CDKAL1: variants seen among roughly 807,000 people sequenced by gnomAD.
The protein encoded by CDKAL1 is threonylcarbamoyladenosine tRNA methylthiotransferase.
CDKAL1 carries 32 observed loss-of-function variants against 68.2 expected under a neutral mutation model. The ratio of observed to expected loss-of-function variants is 0.47; its 90% CI spans 0.35 to 0.63. The LOEUF (loss-of-function observed/expected upper bound fraction) is 0.63, where lower values mean the gene tolerates loss of function less well. Among genes scored for constraint, CDKAL1 ranks in the 30% least tolerant of loss-of-function variants. The pLI is 0.00. For missense variants in CDKAL1, 606 were observed against 696.7 expected, an observed-to-expected ratio of 0.87 and a Z score of 1.47; for synonymous variants, 234 against 244.3, an observed-to-expected ratio of 0.96 and a Z score of 0.39.
At chr6:21,176,614 C>A (rs962437854) in intron 13 of CDKAL1, among the ~76,000 whole-genome samples, 3 of 150,404 alleles carry the variant, frequency 2.0e-5, no homozygotes, top group Non-Finnish European at 1.5e-5. Context: ...TTATAAAGCA[C>A]AAGGCAGCTT....
chr6:20,808,851 G>A (rs980893199), intron 8 of CDKAL1, among the ~76,000 whole-genome samples: 3 of 152,034 alleles, frequency 2.0e-5, no homozygotes, highest in Non-Finnish European at 2.9e-5. Flanking sequence ...ATTTTTCACT[G>A]GGCTCCTGAA....
At chr6:20,778,242 A>G (rs1259045276) in intron 7 of CDKAL1, among the ~76,000 whole-genome samples, 1 of 152,216 alleles carries the variant, frequency 6.6e-6, no homozygotes, top group African/African-American at 2.4e-5. Flanking sequence ...TAGATGTGAC[A>G]CCAAAAGCAT....
intron 10 of CDKAL1, among the ~76,000 whole-genome samples, chr6:20,991,497 C>CA (rs1402001288): frequency 6.6e-6 from 1 of 151,914 alleles, no homozygotes; most frequent in Non-Finnish European, 1.5e-5. Context: ...CATTTGAGGT[C>CA]ACGAGTTTGA....
intron 11 of CDKAL1, among the ~76,000 whole-genome samples, chr6:21,033,628 G>A (rs906268285): frequency 1.3e-5 from 2 of 152,064 alleles, no homozygotes; most frequent in African/African-American, 4.8e-5. Flanking sequence ...GCAAGAGAAG[G>A]CCTTGGCATA....
intron 8 of CDKAL1, among the ~76,000 whole-genome samples, chr6:20,821,451 C>A (rs1430233651): frequency 6.6e-6 from 1 of 152,164 alleles, no homozygotes; most frequent in Non-Finnish European, 1.5e-5. Flanking sequence ...CCTTCCTTCC[C>A]TGGCATCCCA....
intron 11 of CDKAL1, among the ~76,000 whole-genome samples, chr6:21,007,686 A>C (rs547965700): frequency 4.1e-4 from 63 of 152,304 alleles, no homozygotes; most frequent in Non-Finnish European, 7.1e-4. Flanking sequence ...TGATAATCAT[A>C]ATAAAACAAT....
At chr6:20,927,944 TTGAGA>T (rs1358980807) in intron 9 of CDKAL1, among the ~76,000 whole-genome samples, 1 of 152,230 alleles carries the variant, frequency 6.6e-6, no homozygotes, top group Non-Finnish European at 1.5e-5. Flanking sequence ...CATTTGATAA[TTGAGA>T]TGTTTCTTAA....
intron 15 of CDKAL1, among the ~76,000 whole-genome samples, chr6:21,223,328 A>C (rs551280871): frequency 1.3e-5 from 2 of 152,342 alleles, no homozygotes; most frequent in African/African-American, 4.8e-5. Context: ...AATTTGGGCA[A>C]GTGACTTAAA....
chr6:21,115,300 G>A (rs1465496124), intron 13 of CDKAL1, among the ~76,000 whole-genome samples: 2 of 152,172 alleles, frequency 1.3e-5, no homozygotes, highest in African/African-American at 4.8e-5. Flanking sequence ...CCTGTGCTTT[G>A]AATAACATAA....
At chr6:20,936,882 C>A (rs1763746331) in intron 9 of CDKAL1, among the ~76,000 whole-genome samples, 1 of 152,112 alleles carries the variant, frequency 6.6e-6, no homozygotes, top group African/African-American at 2.4e-5. Context: ...GTTGGCCCTG[C>A]CTTACTTAAA....
chr6:20,547,289 C>T (rs1317054503), intron 3 of CDKAL1, among the ~76,000 whole-genome samples: 4 of 152,056 alleles, frequency 2.6e-5, no homozygotes, highest in African/African-American at 9.7e-5. Flanking sequence ...AAGATAGCCT[C>T]GGGCAATAGG....
intron 10 of CDKAL1, among the ~76,000 whole-genome samples, chr6:20,971,560 A>G (rs1047198245): frequency 6.6e-6 from 1 of 152,262 alleles, no homozygotes; most frequent in Non-Finnish European, 1.5e-5. Context: ...AATCTGCAGT[A>G]CATTGTGTTA....
chr6:20,751,484 A>G lies in CDKAL1; in HGVS notation c.469-7111A>G, dbSNP rs547455304. On this transcript the variant is annotated intron_variant, in intron 6 of 15. Coordinates refer to ENST00000274695, the MANE Select transcript of CDKAL1 (RefSeq NM_017774.3). ...GCTAGTGACTATCATAGTGGATGGC[A>G]CAGCATATAAACATTTCCATCATTG... 3.3e-5 allele frequency among the ~76,000 whole-genome samples: 5 copies of G among 152,358 alleles called. No individual in the cohort carries two copies. In the East Asian group the frequency reaches 9.6e-4, roughly 29 times the overall value.
chr6:20,929,009 C>T (rs1175797019), intron 9 of CDKAL1, among the ~76,000 whole-genome samples: 1 of 152,114 alleles, frequency 6.6e-6, no homozygotes, highest in Non-Finnish European at 1.5e-5. Flanking sequence ...ATCTATAAAG[C>T]CAGCCAATAT....
chr6:20,846,318 A>T (rs1336245437), intron 9 of CDKAL1, 140 bp downstream of exon 9: 2 of 586,116 alleles, frequency 3.4e-6, no homozygotes, highest in Non-Finnish European at 6.0e-6. Context: ...TTAATAAAAG[A>T]TGTGACCAGA....
intron 13 of CDKAL1, among the ~76,000 whole-genome samples, chr6:21,144,510 G>C (rs986452549): frequency 6.6e-6 from 1 of 151,948 alleles, no homozygotes; most frequent in African/African-American, 2.4e-5. Context: ...GATAGGCCAG[G>C]CATGGTGGCC....
chr6:21,002,253 G>A (rs920200976), intron 11 of CDKAL1, among the ~76,000 whole-genome samples: 1 of 152,184 alleles, frequency 6.6e-6, no homozygotes, highest in African/African-American at 2.4e-5. Flanking sequence ...AGGCATCTAT[G>A]TAGTTTTTCT....
Position 20,732,567 on chromosome 6 carries a change from G to C in CDKAL1, c.372-6952G>C, listed in dbSNP as rs536011684. Among the ~76,000 whole-genome samples, 4 of 151,836 alleles carry C rather than the reference G, an allele frequency of 2.6e-5. No homozygotes were observed. The East Asian group carries it at 5.8e-4, about 22-fold the overall frequency. On this transcript the variant is annotated intron_variant, in intron 5 of 15. Coordinates refer to ENST00000274695, the MANE Select transcript of CDKAL1 (RefSeq NM_017774.3). ...CTCCCAAAGTGCTAGGATTACAGGC[G>C]TGAGCCACTATGCCTGGCTGACAAG...
intron 5 of CDKAL1, among the ~76,000 whole-genome samples, chr6:20,661,189 C>G (rs1769268517): frequency 1.3e-5 from 2 of 152,318 alleles, no homozygotes; most frequent in East Asian, 1.9e-4. Context: ...CCAAATTTCT[C>G]TAAATACATT....
Sources: gnomAD v4.1 joint callset for allele counts (sites outside exome capture counted in the v4.1 genomes callset) on GRCh38, gnomAD v4.1.1 for gene constraint, MANE v1.5 for transcripts, NCBI Gene and HGNC (gene_info 2026-07-23, HGNC 2026-07-21) for gene names.